The following CEMIP variants were observed in gnomAD, a reference collection of about 807,000 sequenced individuals.
CEMIP encodes the protein cell migration inducing hyaluronidase 1.
CEMIP carries 105 observed loss-of-function variants against 156.9 expected under a neutral mutation model. The observed-to-expected ratio is 0.67, with a 90% CI of 0.57 to 0.79. The LOEUF is 0.79. CEMIP is among the 30% of genes least tolerant of loss of function. The pLI, the probability that CEMIP is intolerant of heterozygous loss-of-function variation, is 0.00. For missense variants in CEMIP, 1,457 were observed against 1,769.4 expected, an observed-to-expected ratio of 0.82 and a Z score of 3.17; for synonymous variants, 676 against 668.4, an observed-to-expected ratio of 1.01 and a Z score of -0.17.
chr15:80,811,480 A>C (rs1896670653), intron 1 of CEMIP, among the ~76,000 whole-genome samples: 1 of 152,248 alleles, frequency 6.6e-6, no homozygotes, highest in South Asian at 2.1e-4. Context: ...AGATTGAGAC[A>C]TGCCAGAGGC....
chr15:80,882,444 C>T (rs1451393511), intron 6 of CEMIP, among the ~76,000 whole-genome samples: 4 of 152,174 alleles, frequency 2.6e-5, no homozygotes, highest in Non-Finnish European at 5.9e-5. Context: ...CCACGGATAA[C>T]GGCTGACACC....
intron 12 of CEMIP, among the ~76,000 whole-genome samples, chr15:80,898,905 T>C (rs1374517233): frequency 6.6e-6 from 1 of 152,170 alleles, no homozygotes; most frequent in Non-Finnish European, 1.5e-5. Flanking sequence ...TCATCATGTA[T>C]TCAACAAGCC....
At chr15:80,879,952 G>A (rs1645495353) in intron 5 of CEMIP, 98 bp downstream of exon 5, 12 of 1,357,174 alleles carry the variant, frequency 8.8e-6, no homozygotes, top group South Asian at 4.8e-5. Context: ...AAGCTTGCCT[G>A]TAAGATAGGA....
chr15:80,811,743 G>C (rs143702560), intron 1 of CEMIP, among the ~76,000 whole-genome samples: 13 of 152,292 alleles, frequency 8.5e-5, no homozygotes, highest in African/African-American at 2.9e-4. Context: ...TCTTCGTAGA[G>C]ATGGGGTTTC....
intron 1 of CEMIP, among the ~76,000 whole-genome samples, chr15:80,795,403 AAGG>A (rs1265444405): frequency 1.3e-5 from 2 of 151,716 alleles, no homozygotes; most frequent in African/African-American, 4.8e-5. Context: ...GGCAGTGGGG[AAGG>A]AGAAGTGTGG....
At chr15:80,914,093 C>CCA (rs1900169657) in intron 14 of CEMIP, among the ~76,000 whole-genome samples, 1 of 58,966 alleles carries the variant, frequency 1.7e-5, no homozygotes, top group South Asian at 7.4e-4. Context: ...AAGGAAGGCT[C>CCA]TACAGTATCT....
intron 4 of CEMIP, among the ~76,000 whole-genome samples, chr15:80,879,310 C>T (rs192362606): frequency 2.1e-4 from 32 of 152,240 alleles, no homozygotes; most frequent in African/African-American, 7.0e-4. Context: ...GCACCTGTAC[C>T]GAACATGTAC....
At chr15:80,876,604 G>A (rs1350839858) in intron 3 of CEMIP, among the ~76,000 whole-genome samples, 2 of 152,338 alleles carry the variant, frequency 1.3e-5, no homozygotes, top group South Asian at 2.1e-4. Context: ...TTGTTATGGG[G>A]CTGGAAGCAG....
chr15:80,932,812 G>A lies in CEMIP; in HGVS notation c.2794-433G>A, dbSNP rs554741123. Reference sequence around the variant, plus strand: ...AAACGTGCCACATGCATCTTCTCTCGCACACGGATGCCCCCGTGTATGTGT... The same window carrying A: ...AAACGTGCCACATGCATCTTCTCTCACACACGGATGCCCCCGTGTATGTGT... On this transcript the variant is annotated intron_variant, in intron 22 of 29. Transcript: ENST00000394685. This position sits in a 1 kb window ranked among gnomAD's most constrained non-coding sequence, Gnocchi z 4.5. Among the ~76,000 whole-genome samples the A allele has an allele frequency of 1.1e-4, 16 of 152,256 alleles. No individual in the cohort carries two copies. The highest frequency in any genetic ancestry group is 3.4e-3 in the Middle Eastern group (1 of 294).
At chr15:80,905,483 C>T (rs1327671241) in intron 12 of CEMIP, among the ~76,000 whole-genome samples, 5 of 152,226 alleles carry the variant, frequency 3.3e-5, no homozygotes, top group South Asian at 2.1e-4. Flanking sequence ...CACCCTGCAC[C>T]GTTCTTGAGA....
chr15:80,889,648 CTA>C, intron 10 of CEMIP, 56 bp downstream of exon 10: 5 of 1,602,440 alleles, frequency 3.1e-6, no homozygotes, highest in Non-Finnish European at 4.3e-6. Flanking sequence ...GAAGAAGACT[CTA>C]TAGATCACAG....
chr15:80,868,516 G>A (rs1898190376), intron 1 of CEMIP, among the ~76,000 whole-genome samples: 1 of 152,108 alleles, frequency 6.6e-6, no homozygotes, highest in Non-Finnish European at 1.5e-5. Flanking sequence ...AAGTTTCCTG[G>A]GGAAACAGGT....
intron 21 of CEMIP, 121 bp downstream of exon 21, chr15:80,929,295 G>A: frequency 1.6e-6 from 2 of 1,248,488 alleles, no homozygotes; most frequent in Non-Finnish European, 2.3e-6. Flanking sequence ...ACCAGCCAGA[G>A]GAATCACTGA....
intron 14 of CEMIP, among the ~76,000 whole-genome samples, chr15:80,915,244 C>T (rs1302513843): frequency 6.6e-6 from 1 of 152,146 alleles, no homozygotes; most frequent in Non-Finnish European, 1.5e-5. Flanking sequence ...CAGTTTAGTC[C>T]CTGCGTAAGA....
At chr15:80,922,259 G>A (rs1900504512) in intron 17 of CEMIP, 122 bp downstream of exon 17, 6 of 1,331,722 alleles carry the variant, frequency 4.5e-6, no homozygotes, top group Non-Finnish European at 5.3e-6. Context: ...CTTAATGCTG[G>A]TCTCGAAGAA....
rs78051395 is a variant in CEMIP, at chr15:80,892,139, T to A, written c.1086+2547T>A. ...ACGTGCTCCTCTTCCTGCTTGTGCCTGCCCCCAGTGCCCAACTCCGTGTCA... is the reference window on the plus strand; with the variant it reads ...ACGTGCTCCTCTTCCTGCTTGTGCCAGCCCCCAGTGCCCAACTCCGTGTCA... On this transcript the variant is annotated intron_variant, in intron 10 of 29. Transcript: ENST00000394685. Among the ~76,000 whole-genome samples the A allele has an allele frequency of 4.7e-3, 709 of 152,174 alleles. 5 individuals carry two copies. The highest frequency in any genetic ancestry group is 0.013 in the African/African-American group (538 of 41,538).
intron 24 of CEMIP, 82 bp downstream of exon 24, chr15:80,936,967 G>A (rs532795642): frequency 1.5e-5 from 19 of 1,300,308 alleles, no homozygotes; most frequent in East Asian, 1.2e-4. Flanking sequence ...TGCGTCTAAC[G>A]AAACCACAGG....
Position 80,838,503 on chromosome 15 carries a change from A to G in CEMIP, c.-175-35035A>G, listed in dbSNP as rs574759418. Among the ~76,000 whole-genome samples, 37 of 152,166 alleles carry G rather than the reference A, an allele frequency of 2.4e-4. 1 individual carries two copies. In the South Asian group the frequency reaches 6.9e-3, roughly 28 times the overall value. ...TTCCCTTGGTTCAAGGCTGAGTGCA[A>G]TGCCACCACCCATTGCTGCCCAAAT... On this transcript the variant is annotated intron_variant, in intron 1 of 29. Transcript: ENST00000394685.
At chr15:80,919,067 G>A (rs1900375397) in intron 14 of CEMIP, among the ~76,000 whole-genome samples, 1 of 152,152 alleles carries the variant, frequency 6.6e-6, no homozygotes, top group East Asian at 1.9e-4. Context: ...CCATGCAAAT[G>A]TTCTTTCTGC....
Sources: allele counts gnomAD v4.1 joint callset (sites outside exome capture counted in the v4.1 genomes callset), GRCh38; gene constraint gnomAD v4.1.1; non-coding constraint Gnocchi (gnomAD v3.1); transcripts MANE v1.5; gene names NCBI Gene and HGNC (gene_info 2026-07-23, HGNC 2026-07-21).